The following CAAP1 variants were observed in gnomAD, a reference collection of about 807,000 sequenced individuals.
CAAP1 encodes the protein conserved anti-apoptotic protein.
CAAP1 carries 20 observed loss-of-function variants against 34.0 expected under a neutral mutation model. The ratio of observed to expected loss-of-function variants is 0.59; its 90% confidence interval spans 0.41 to 0.86. The LOEUF is 0.86. CAAP1 is among the 40% of genes least tolerant of loss of function. The probability of loss-of-function intolerance (pLI) is 0.00; values close to 1 mark genes in which losing one functional copy is unlikely to be tolerated. For missense variants in CAAP1, 538 were observed against 450.5 expected (o/e 1.19, Z -1.76); for synonymous variants, 213 against 166.7 (o/e 1.28, Z -2.14).
At chr9:26,883,091 A>G (rs1823637797) in intron 4 of CAAP1, among the ~76,000 whole-genome samples, 1 of 152,144 alleles carries the variant, frequency 6.6e-6, no homozygotes, top group South Asian at 2.1e-4. Context: ...TGGACTGTAG[A>G]CTTTTGAGTT....
In CAAP1 at chr9:26,870,218, T is replaced by C. The variant is rs114630949; in HGVS notation, c.666-9079A>G. On this transcript the variant is annotated intron_variant, in intron 4 of 5. Coordinates refer to ENST00000333916, the MANE Select transcript of CAAP1 (RefSeq NM_024828.4). ...CCTGCCATTCTAAGGAAAAGTTCTA[T>C]AGATTCTGGAAAGGTGCCTATCTGC... is the stretch of plus-strand genomic sequence containing the variant. Among the ~76,000 whole-genome samples the C allele has an allele frequency of 8.7e-3, 1,323 of 152,108 alleles. 24 individuals carry two copies. The highest frequency in any genetic ancestry group is 0.03 in the African/African-American group (1,250 of 41,532).
intron 5 of CAAP1, among the ~76,000 whole-genome samples, chr9:26,852,940 C>T (rs945042563): frequency 1.1e-4 from 17 of 152,162 alleles, no homozygotes; most frequent in African/African-American, 4.1e-4. Flanking sequence ...AAGCCTCTGA[C>T]ACAGGAGTGT....
At chr9:26,858,822 C>CAAAA (rs756404393) in intron 5 of CAAP1, among the ~76,000 whole-genome samples, 5 of 87,200 alleles carry the variant, frequency 5.7e-5, no homozygotes, top group African/African-American at 1.2e-4. Flanking sequence ...GGCTCCATCT[C>CAAAA]AAAAAAAAAA....
intron 4 of CAAP1, among the ~76,000 whole-genome samples, chr9:26,868,916 CG>C (rs1563886487): frequency 6.6e-6 from 1 of 152,102 alleles, no homozygotes; most frequent in African/African-American, 2.4e-5. Context: ...AAGACCTTTA[CG>C]GAACATCCGG....
Position 26,892,694 on chromosome 9 carries a change from G to A in CAAP1, c.22C>T (p.Arg8Trp). Residue 8 changes from arginine (R) to tryptophan (W), a missense_variant, in exon 1 of 6, where the codon CGG becomes TGG. Physicochemically the swap from Arg to Trp is moderately radical, Grantham distance 101. Transcript: ENST00000333916. MTGKKSSREKRRKRSSQE... is the reference protein window; with the variant it reads MTGKKSSWEKRRKRSSQE... ...CTGCTACGTTTGCGCCGTTTCTCCC[G>A]GGAGGACTTTTTCCCCGTCATGATC... 1 of 1,600,492 alleles carries A rather than the reference G, an allele frequency of 6.2e-7. No individual in the cohort carries two copies. Among genetic ancestry groups the A allele is most frequent in the Non-Finnish European group, 8.5e-7 (1 of 1,176,882 alleles).
At chr9:26,871,670 T>A (rs1046148203) in intron 4 of CAAP1, among the ~76,000 whole-genome samples, 8 of 151,132 alleles carry the variant, frequency 5.3e-5, no homozygotes, top group South Asian at 2.1e-4. Context: ...ACGCCTATAA[T>A]CCCAGCACTT....
chr9:26,873,935 C>A (rs952174192), intron 4 of CAAP1, among the ~76,000 whole-genome samples: 1 of 152,026 alleles, frequency 6.6e-6, no homozygotes, highest in Admixed American at 6.5e-5. Flanking sequence ...GCACCGGGTA[C>A]GGTGGCTCAC....
At chr9:26,856,556 C>G (rs926072310) in intron 5 of CAAP1, among the ~76,000 whole-genome samples, 1 of 152,172 alleles carries the variant, frequency 6.6e-6, no homozygotes, top group Admixed American at 6.5e-5. Flanking sequence ...AGATCAAGGC[C>G]AAACAGCCAA....
intron 5 of CAAP1, among the ~76,000 whole-genome samples, chr9:26,843,906 A>C (rs1822537200): frequency 6.6e-6 from 1 of 152,260 alleles, no homozygotes; most frequent in Admixed American, 6.5e-5. Context: ...AACTTGTAAA[A>C]ATAAGATTAT....
Position 26,892,015 on chromosome 9 carries a change from G to T in CAAP1, c.303+398C>A, listed in dbSNP as rs149029381. Among the ~76,000 whole-genome samples the T allele has an allele frequency of 5.3e-4, 80 of 152,144 alleles. 1 individual carries two copies. The East Asian group carries it at 0.014, about 26-fold the overall frequency. On this transcript the variant is annotated intron_variant, in intron 1 of 5. Transcript: ENST00000333916. ...CGTGGGTAAAGTTTAACTTCTTTGG[G>T]CCTCAATTTTCTTATCTCTAATGCG... is the stretch of plus-strand genomic sequence containing the variant.
At chr9:26,885,473 A>C (rs934340320) in intron 3 of CAAP1, among the ~76,000 whole-genome samples, 1 of 152,146 alleles carries the variant, frequency 6.6e-6, no homozygotes, top group Non-Finnish European at 1.5e-5. Flanking sequence ...CTATTTCCAG[A>C]GTTACAAAAT....
At chr9:26,878,281 T>G (rs533881012) in intron 4 of CAAP1, among the ~76,000 whole-genome samples, 1 of 152,356 alleles carries the variant, frequency 6.6e-6, no homozygotes, top group Admixed American at 6.5e-5. Context: ...TCAAGTAATC[T>G]TCTCTCTAGA....
intron 4 of CAAP1, among the ~76,000 whole-genome samples, chr9:26,874,206 CAAAAAAAAAA>C (rs34601727): frequency 1.1e-4 from 6 of 53,234 alleles, no homozygotes; most frequent in East Asian, 4.6e-4. Flanking sequence ...GACTCTGTCT[CAAAAAAAAAA>C]AAAAAAAAAA....
At chr9:26,880,052 C>T (rs1823548351) in intron 4 of CAAP1, 1 of 176,564 alleles carries the variant, frequency 5.7e-6, no homozygotes, top group African/African-American at 2.8e-5. Context: ...GACTCTATGG[C>T]AAAAAAATAA....
Position 26,892,583 on chromosome 9 carries a change from T to C in CAAP1, c.133A>G (p.Ser45Gly). ...CTGACGCTCCCGCAGCCCCCGGCGC[T>C]CCCGCAGCCGCTAGTGCTTCCACTG... is the stretch of plus-strand genomic sequence containing the variant. ...GSSGSTSGCG[S>G]AGGCGSVSCC... The change falls in exon 1 of 6, where the codon AGC becomes GGC. Residue 45 changes from serine (S) to glycine (G), a missense_variant. Ser to Gly is a moderately conservative substitution (Grantham distance 56). Coordinates refer to ENST00000333916, the MANE Select transcript of CAAP1 (RefSeq NM_024828.4). 1 of 1,601,318 alleles carries C rather than the reference T, an allele frequency of 6.2e-7. No homozygotes were observed. Among genetic ancestry groups the C allele is most frequent in the Non-Finnish European group, 8.5e-7 (1 of 1,175,394 alleles).
intron 5 of CAAP1, among the ~76,000 whole-genome samples, chr9:26,850,332 G>A (rs1176234432): frequency 1.3e-5 from 2 of 152,098 alleles, no homozygotes; most frequent in African/African-American, 2.4e-5. Context: ...CAGAGTGGGG[G>A]TTGGAGAGAC....
At chr9:26,891,200 A>G (rs1823895711) in intron 1 of CAAP1, among the ~76,000 whole-genome samples, 1 of 152,244 alleles carries the variant, frequency 6.6e-6, no homozygotes, top group South Asian at 2.1e-4. Context: ...AATAATGAGC[A>G]GAGGATATGT....
chr9:26,846,449 A>G (rs1470868064), intron 5 of CAAP1, among the ~76,000 whole-genome samples: 5 of 149,380 alleles, frequency 3.3e-5, no homozygotes, highest in African/African-American at 7.6e-5. Flanking sequence ...AGAAGAAGAA[A>G]AAAAAGAAAA....
chr9:26,887,645 T>C, intron 1 of CAAP1, 132 bp from the exon 2 acceptor site: 2 of 605,860 alleles, frequency 3.3e-6, no homozygotes, highest in East Asian at 2.9e-5. Flanking sequence ...CATAATTATT[T>C]ATCAAAACCA....
Sources: gnomAD v4.1 joint callset for allele counts (sites outside exome capture counted in the v4.1 genomes callset) on GRCh38, gnomAD v4.1.1 for gene constraint, MANE v1.5 for transcripts, NCBI Gene and HGNC (gene_info 2026-07-23, HGNC 2026-07-21) for gene names.